The following TTLL6 variants were observed in gnomAD, a reference collection of about 807,000 sequenced individuals.
TTLL6 encodes the protein tubulin tyrosine ligase like 6.
TTLL6 carries 75 observed loss-of-function variants against 96.4 expected under a neutral mutation model. That is an observed-to-expected ratio of 0.78 (90% CI 0.65 to 0.94). The LOEUF (loss-of-function observed/expected upper bound fraction) is 0.94, where lower values mean the gene tolerates loss of function less well. Among genes scored for constraint, TTLL6 ranks in the 40% least tolerant of loss-of-function variants. The pLI is 0.00. For missense variants in TTLL6, 1,030 were observed against 1,093.0 expected (o/e 0.94, Z 0.81); for synonymous variants, 411 against 419.4 (o/e 0.98, Z 0.24).
intron 1 of TTLL6, 100 bp from the exon 2 acceptor site, chr17:48,805,091 G>T (rs967511633): frequency 2.1e-6 from 2 of 935,974 alleles, no homozygotes; most frequent in Admixed American, 4.9e-5. Flanking sequence ...CTAATTCAAC[G>T]CAACAGGTTG....
At position 48,786,236 on chromosome 17, in the gene TTLL6, T is replaced by C. The variant is rs978281644; in HGVS notation, c.1689A>G (p.Arg563=). ...MQGESAGEQV[R]KKGMRGWQQK... is the part of the protein sequence containing the mutation. ...GTTGCCAGCCCCTCATGCCCTTCTT[T>C]CTCACTTGCTCGCCTGCCGATTCCC... The change falls in exon 12 of 16, where the codon AGA becomes AGG. Residue 563 remains arginine, a synonymous_variant. Transcript: ENST00000393382. 2 of 1,614,130 alleles carry C rather than the reference T, an allele frequency of 1.2e-6. No individual in the cohort carries two copies. Among genetic ancestry groups the C allele is most frequent in the Admixed American group, 3.3e-5 (2 of 60,014 alleles).
chr17:48,783,576 C>T (rs1380961724), intron 13 of TTLL6, among the ~76,000 whole-genome samples: 1 of 151,982 alleles, frequency 6.6e-6, no homozygotes, highest in Admixed American at 6.6e-5. Flanking sequence ...AAATTACAGG[C>T]ATGCACCATC....
intron 10 of TTLL6, among the ~76,000 whole-genome samples, chr17:48,788,766 CACACA>C (rs2039158874): frequency 1.3e-5 from 2 of 152,136 alleles, no homozygotes; most frequent in South Asian, 4.1e-4. Context: ...AGAACAAGGC[CACACA>C]GCACTCCACC....
intron 15 of TTLL6, among the ~76,000 whole-genome samples, chr17:48,766,012 T>A (rs1400406592): frequency 6.6e-6 from 1 of 152,220 alleles, no homozygotes; most frequent in Non-Finnish European, 1.5e-5. Context: ...TGAAACCCTG[T>A]CTGCCTAAAA....
intron 13 of TTLL6, among the ~76,000 whole-genome samples, chr17:48,773,145 T>C (rs1031123639): frequency 3.9e-5 from 3 of 76,674 alleles, no homozygotes; most frequent in African/African-American, 1.2e-4. Context: ...AATTATTCAA[T>C]CTGAAAACAA....
intron 13 of TTLL6, among the ~76,000 whole-genome samples, chr17:48,782,262 C>A (rs968432003): frequency 1.3e-5 from 2 of 152,010 alleles, no homozygotes; most frequent in African/African-American, 4.8e-5. Flanking sequence ...CGCACCACCA[C>A]GCCTGGCTAG....
chr17:48,793,329 T>C (rs755557629), intron 8 of TTLL6, among the ~76,000 whole-genome samples: 7 of 152,080 alleles, frequency 4.6e-5, no homozygotes, highest in Non-Finnish European at 8.8e-5. Context: ...AGGGCACCAT[T>C]GTAACCCTCA....
intron 1 of TTLL6, chr17:48,812,345 T>G (rs920596310): frequency 6.6e-5 from 10 of 152,228 alleles, no homozygotes; most frequent in African/African-American, 2.4e-4. Flanking sequence ...TAAGGGCCTC[T>G]GCCGTCAGCT....
intron 11 of TTLL6, 102 bp downstream of exon 11, chr17:48,787,709 T>C (rs952600208): frequency 1.6e-6 from 2 of 1,249,740 alleles, no homozygotes; most frequent in African/African-American, 1.5e-5. Context: ...CTGGCAACTT[T>C]CATGGCTGGG....
At chr17:48,780,314 G>T (rs529162059) in intron 13 of TTLL6, among the ~76,000 whole-genome samples, 1 of 151,844 alleles carries the variant, frequency 6.6e-6, no homozygotes, top group East Asian at 1.9e-4. Flanking sequence ...CCAAAATGCT[G>T]GCATTACAGA....
chr17:48,792,713 TAA>T (rs1452200865), intron 8 of TTLL6, among the ~76,000 whole-genome samples: 2 of 152,288 alleles, frequency 1.3e-5, no homozygotes, highest in African/African-American at 4.8e-5. Context: ...TGCATTTATA[TAA>T]AGACAGATAA....
At chr17:48,768,831 T>G (rs1196355469) in intron 15 of TTLL6, among the ~76,000 whole-genome samples, 158 bp downstream of exon 15, 1 of 152,238 alleles carries the variant, frequency 6.6e-6, no homozygotes, top group East Asian at 1.9e-4. Flanking sequence ...CATGAGCCAC[T>G]GCACCCAGCC....
chr17:48,799,074 G>A (rs1170590767), intron 6 of TTLL6, among the ~76,000 whole-genome samples: 3 of 152,044 alleles, frequency 2.0e-5, no homozygotes, highest in Non-Finnish European at 2.9e-5. Flanking sequence ...CACCCACCTC[G>A]GCCTCCCAAA....
At chr17:48,765,487 G>A (rs779008118) in intron 15 of TTLL6, 4 of 152,152 alleles carry the variant, frequency 2.6e-5, no homozygotes, top group African/African-American at 9.7e-5. Flanking sequence ...GAGTGCTGGC[G>A]CCTTTATAGT....
rs969109057 is a variant in TTLL6 at position 48,762,709 on chromosome 17, G to A, written c.*265C>T. The stretch of plus-strand genomic sequence containing the variant: ...GAACCCAGAGAAGTGCCACTGGTAC[G>A]GCAACTGGAGTGTGTCCTGGGGCAG... On this transcript the variant is annotated 3_prime_UTR_variant, in exon 16 of 16. Transcript: ENST00000393382. The A allele has an allele frequency of 2.6e-5, 7 of 264,856 alleles. No homozygotes were observed. The highest frequency in any genetic ancestry group is 5.2e-5 in the Non-Finnish European group (7 of 133,636). The allele number at this position is 264,856 out of a possible 1,614,324, so 16.4% of individuals were successfully genotyped here. A position where few individuals can be genotyped will look rare whatever the true frequency, so the allele number is the denominator to read the frequency against.
intron 1 of TTLL6, among the ~76,000 whole-genome samples, chr17:48,810,661 G>A (rs963156409): frequency 5.3e-5 from 8 of 151,780 alleles, no homozygotes; most frequent in African/African-American, 7.2e-5. Context: ...ATGCCACTGC[G>A]CTCCAGCTGG....
At chr17:48,777,041 CA>C (rs2038886647) in intron 13 of TTLL6, among the ~76,000 whole-genome samples, 1 of 151,760 alleles carries the variant, frequency 6.6e-6, no homozygotes, top group Admixed American at 6.6e-5. Context: ...CACACACACA[CA>C]CACACACCCC....
Position 48,791,595 on chromosome 17 carries a change from G to A in TTLL6, c.1007C>T (p.Ser336Phe). 2.5e-6 allele frequency: 4 copies of A among 1,609,262 alleles called. No homozygotes were observed. The highest frequency in any genetic ancestry group is 2.2e-5 in the East Asian group (1 of 44,708). The change falls in exon 9 of 16, where the codon TCC (serine) becomes TTC (phenylalanine). Residue 336 changes from serine (S) to phenylalanine (F), a missense_variant. Ser to Phe is a radical substitution (Grantham distance 155, BLOSUM62 -2). Coordinates refer to ENST00000393382, the MANE Select transcript of TTLL6 (RefSeq NM_001130918.3). ...DAHSGSKRKL[S>F]TFSAYLEDHS... ...GTCCTCCAAGTATGCACTGAAGGTG[G>A]AGAGCTTCCTGGAAGGGAACCACAG...
intron 2 of TTLL6, chr17:48,804,280 T>C (rs747045251): frequency 2.0e-6 from 1 of 503,106 alleles, no homozygotes; most frequent in Non-Finnish European, 3.9e-6. Flanking sequence ...ACTTGTCTCC[T>C]TCCTCTTCCC....
Sources: allele counts gnomAD v4.1 joint callset (sites outside exome capture counted in the v4.1 genomes callset), GRCh38; gene constraint gnomAD v4.1.1; transcripts MANE v1.5; gene names NCBI Gene and HGNC (gene_info 2026-07-23, HGNC 2026-07-21).